The following DRC9 variants were observed in gnomAD, a reference collection of about 807,000 sequenced individuals.
The protein encoded by DRC9 is dynein regulatory complex subunit 9.
At chr3:197,953,838 G>A in the DRC9 span, 1 of 702,572 alleles carries the variant, frequency 1.4e-6, no homozygotes, top group Non-Finnish European at 2.6e-6. Flanking sequence ...GCATACAATA[G>A]TTACTCGATA....
At chr3:197,938,428 G>C in the DRC9 span, 1 of 721,122 alleles carries the variant, frequency 1.4e-6, no homozygotes, top group Non-Finnish European at 2.5e-6. Flanking sequence ...ATTCTCAGCA[G>C]TCATTTTGCA....
At chr3:197,932,322 A>C in the DRC9 span, 1 of 1,601,838 alleles carries the variant, frequency 6.2e-7, no homozygotes, top group South Asian at 1.1e-5. Flanking sequence ...GAAACAGACC[A>C]ACAAAAAATG....
chr3:197,929,256 C>T, the DRC9 span, among the ~76,000 whole-genome samples: 1 of 152,224 alleles, frequency 6.6e-6, no homozygotes, highest in South Asian at 2.1e-4. The surrounding 1 kb of genome is among the most constrained non-coding windows in gnomAD (Gnocchi z 4.6). Context: ...ATAACCATTA[C>T]TTCTTCACTG....
chr3:197,923,391 C>T, the DRC9 span, among the ~76,000 whole-genome samples: 7 of 152,140 alleles, frequency 4.6e-5, no homozygotes, highest in Non-Finnish European at 1.0e-4. Flanking sequence ...ATGATCCTTC[C>T]ACCTCCTAGT....
the DRC9 span, among the ~76,000 whole-genome samples, chr3:197,908,971 T>C: frequency 6.6e-6 from 1 of 152,236 alleles, no homozygotes. Flanking sequence ...CAGATGAAGT[T>C]ATCACAGGAT....
chr3:197,934,113 T>C, the DRC9 span, among the ~76,000 whole-genome samples: 1 of 151,774 alleles, frequency 6.6e-6, no homozygotes, highest in Admixed American at 6.6e-5. Context: ...TTTTTTTACA[T>C]TTTCTAATGC....
At chr3:197,934,171 T>C in the DRC9 span, among the ~76,000 whole-genome samples, 4 of 139,672 alleles carry the variant, frequency 2.9e-5, no homozygotes, top group Admixed American at 1.4e-4. Context: ...CATTATGATG[T>C]TCATTCTGGG....
At chr3:197,924,185 G>T in the DRC9 span, among the ~76,000 whole-genome samples, 8 of 151,288 alleles carry the variant, frequency 5.3e-5, no homozygotes, top group Non-Finnish European at 8.8e-5. Flanking sequence ...GTGAAACCCC[G>T]TCTGTACTAA....
the DRC9 span, among the ~76,000 whole-genome samples, chr3:197,929,190 C>T: frequency 6.6e-6 from 1 of 152,182 alleles, no homozygotes; most frequent in African/African-American, 2.4e-5. This position sits in a 1 kb window ranked among gnomAD's most constrained non-coding sequence, Gnocchi z 4.6. Context: ...TGAGTTTCCC[C>T]AGCCTTTCCC....
At chr3:197,931,103 G>T in the DRC9 span, among the ~76,000 whole-genome samples, 3 of 151,896 alleles carry the variant, frequency 2.0e-5, no homozygotes, top group Non-Finnish European at 4.4e-5. Flanking sequence ...ATCTCTCTAA[G>T]AATAGAATAA....
the DRC9 span, chr3:197,889,821 T>A: frequency 1.5e-6 from 2 of 1,331,388 alleles, no homozygotes. Flanking sequence ...TGACAAACAG[T>A]CTCTCTCCAG....
chr3:197,901,760 C>T, the DRC9 span, among the ~76,000 whole-genome samples: 1 of 152,232 alleles, frequency 6.6e-6, no homozygotes, highest in Non-Finnish European at 1.5e-5. This position sits in a 1 kb window ranked among gnomAD's most constrained non-coding sequence, Gnocchi z 4.4. Flanking sequence ...CAGCTCTTGG[C>T]TCCCAGACAG....
chr3:197,932,696 C>T, the DRC9 span, among the ~76,000 whole-genome samples: 1 of 148,488 alleles, frequency 6.7e-6, no homozygotes, highest in African/African-American at 2.5e-5. Flanking sequence ...GGTGCAGTGG[C>T]ATGTGCCCTA....
the DRC9 span, chr3:197,957,888 GA>G: frequency 6.6e-6 from 1 of 152,234 alleles, no homozygotes. Context: ...TGTAGAGGAA[GA>G]AATAGGGCGG....
chr3:197,950,224 GAGTGA>G, the DRC9 span: 2 of 1,231,186 alleles, frequency 1.6e-6, no homozygotes, highest in African/African-American at 1.6e-5. Flanking sequence ...CTGTGGAGGT[GAGTGA>G]AGGGTCTGCT....
chr3:197,898,071 G>A, the DRC9 span, among the ~76,000 whole-genome samples: 3 of 151,614 alleles, frequency 2.0e-5, no homozygotes, highest in South Asian at 6.2e-4. Flanking sequence ...ATGAGCCACT[G>A]TGCCCAGCCA....
At chr3:197,905,745 A>C in the DRC9 span, among the ~76,000 whole-genome samples, 1 of 152,158 alleles carries the variant, frequency 6.6e-6, no homozygotes. Context: ...CTCAGAAGAA[A>C]AAAAAAAGGA....
At chr3:197,892,783 A>G in the DRC9 span, 2 of 1,613,600 alleles carry the variant, frequency 1.2e-6, no homozygotes, top group African/African-American at 1.3e-5. Flanking sequence ...ACATGAAAAC[A>G]TGGCATTCAG....
At chr3:197,940,421 T>C in the DRC9 span, among the ~76,000 whole-genome samples, 1 of 152,186 alleles carries the variant, frequency 6.6e-6, no homozygotes, top group African/African-American at 2.4e-5. Context: ...AAGAAAACTC[T>C]TTCCAAACTT....
Sources: allele counts gnomAD v4.1 joint callset (sites outside exome capture counted in the v4.1 genomes callset), GRCh38; gene constraint gnomAD v4.1.1; non-coding constraint Gnocchi (gnomAD v3.1); transcripts MANE v1.5; gene names NCBI Gene and HGNC (gene_info 2026-07-23, HGNC 2026-07-21).